The following ZFYVE28 variants were observed in gnomAD, a reference collection of about 807,000 sequenced individuals.
ZFYVE28 encodes zinc finger FYVE-type containing 28.
Under a neutral mutation model 82.1 loss-of-function variants are expected in ZFYVE28, and 40 were observed. The ratio of observed to expected loss-of-function variants is 0.49; its 90% CI spans 0.38 to 0.63. ZFYVE28 has a LOEUF of 0.63. Among genes scored for constraint, ZFYVE28 ranks in the 30% least tolerant of loss-of-function variants. The pLI, the probability that ZFYVE28 is intolerant of heterozygous loss-of-function variation, is 0.00. For missense variants in ZFYVE28, 1,321 were observed against 1,242.1 expected, an observed-to-expected ratio of 1.06 and a Z score of -0.96; for synonymous variants, 612 against 546.1, an observed-to-expected ratio of 1.12 and a Z score of -1.68.
At chr4:2,273,341 T>C in intron 9 of ZFYVE28, 52 bp from the exon 10 acceptor site, 5 of 1,529,236 alleles carry the variant, frequency 3.3e-6, no homozygotes, top group Non-Finnish European at 4.5e-6. Context: ...TGGAAGGAAC[T>C]GCGGAGGTCG....
At chr4:2,336,114 G>C (rs1721648498) in intron 5 of ZFYVE28, among the ~76,000 whole-genome samples, 1 of 152,190 alleles carries the variant, frequency 6.6e-6, no homozygotes, top group African/African-American at 2.4e-5. Flanking sequence ...AAGACAGTAA[G>C]GCAACCCAGA....
In ZFYVE28 at chr4:2,330,833, C is replaced by T. The variant is rs540295421; in HGVS notation, c.701+4872G>A. ...ACAGCATGGTGGAGACCCAGGGCAG[C>T]GGGTGCGTGGGGACTGGGGAGAGAG... On this transcript the variant is annotated intron_variant, in intron 6 of 12. Coordinates refer to ENST00000290974, the MANE Select transcript of ZFYVE28 (RefSeq NM_020972.3). 3.0e-4 allele frequency: 460 copies of T among 1,530,646 alleles called. 1 individual carries two copies. Among genetic ancestry groups the T allele is most frequent in the Middle Eastern group, 2.5e-3 (14 of 5,670 alleles). 94.8% of individuals were successfully genotyped at this position (1,530,646 alleles called of 1,614,324 possible). A position where few individuals can be genotyped will look rare whatever the true frequency, so the allele number is the denominator to read the frequency against.
At chr4:2,391,658 C>T (rs1578358235) in intron 1 of ZFYVE28, among the ~76,000 whole-genome samples, 1 of 151,782 alleles carries the variant, frequency 6.6e-6, no homozygotes, top group Admixed American at 6.6e-5. Flanking sequence ...CCACCTCCCC[C>T]AGACCCTGGC....
intron 1 of ZFYVE28, among the ~76,000 whole-genome samples, chr4:2,384,599 G>A (rs1464003256): frequency 6.6e-6 from 1 of 152,164 alleles, no homozygotes; most frequent in Admixed American, 6.5e-5. Context: ...GATGGGGTGG[G>A]GGAGCAGAAG....
chr4:2,417,116 T>A lies in ZFYVE28; in HGVS notation c.39+1169A>T, dbSNP rs1256865650. ...AGGCGGCCAGTGGAGGGAGGAGGGG[T>A]AGGTCGGCAACGCGGTGGCCTCGGA... On this transcript the variant is annotated intron_variant, in intron 1 of 12. Coordinates refer to ENST00000290974, the MANE Select transcript of ZFYVE28 (RefSeq NM_020972.3). The surrounding 1 kb of genome is among the most constrained non-coding windows in gnomAD (Gnocchi z 4.8). Among the ~76,000 whole-genome samples, 2 of 151,668 alleles carry A rather than the reference T, an allele frequency of 1.3e-5. No individual in the cohort carries two copies. Among genetic ancestry groups the A allele is most frequent in the Non-Finnish European group, 2.9e-5 (2 of 67,918 alleles).
At chr4:2,283,419 CCATCCATCCACCCATCCACT>C in intron 8 of ZFYVE28, among the ~76,000 whole-genome samples, 1 of 149,114 alleles carries the variant, frequency 6.7e-6, no homozygotes, top group Non-Finnish European at 1.5e-5. Context: ...ATCCACCCAC[CCATCCATCCACCCATCCACT>C]CATCCATCCA....
rs896762747 is a variant in ZFYVE28 at position 2,300,826 on chromosome 4, G to A, written c.2051+3463C>T. 3.9e-5 allele frequency among the ~76,000 whole-genome samples: 6 copies of A among 152,164 alleles called. No homozygotes were observed. Among genetic ancestry groups the A allele is most frequent in the Non-Finnish European group, 7.4e-5 (5 of 68,026 alleles). On this transcript the variant is annotated intron_variant, in intron 8 of 12. Transcript: ENST00000290974. The surrounding 1 kb of genome is among the most constrained non-coding windows in gnomAD (Gnocchi z 4.6). ...CCGTGCCCACTGTTCCCTCTGAACC[G>A]TCCACGCCACAACCACAGGGGCTGC...
Position 2,320,302 on chromosome 4 carries a change from AG to A in ZFYVE28, c.702-32del. The A allele has an allele frequency of 6.3e-7, 1 of 1,597,056 alleles. No individual in the cohort carries two copies. The highest frequency in any genetic ancestry group is 1.1e-5 in the South Asian group (1 of 90,392). On this transcript the variant is annotated intron_variant, in intron 6 of 12. Transcript: ENST00000290974. The surrounding 1 kb of genome is among the most constrained non-coding windows in gnomAD (Gnocchi z 5.1). ...TTTGAGACACAAAAGCCAGGATGTC[AG>A]GCCCTGTGGCCCCCTGGGTGCCGCG...
Position 2,269,701 on chromosome 4 carries a change from G to T in ZFYVE28, c.*1024C>A, listed in dbSNP as rs940737469. 4.6e-5 allele frequency: 7 copies of T among 152,010 alleles called. No homozygotes were observed. The highest frequency in any genetic ancestry group is 4.8e-5 in the African/African-American group (2 of 41,356). 9.4% of individuals were successfully genotyped at this position (152,010 alleles called of 1,614,324 possible). A position where few individuals can be genotyped will look rare whatever the true frequency, so the allele number is the denominator to read the frequency against. On this transcript the variant is annotated 3_prime_UTR_variant, in exon 13 of 13. Coordinates refer to ENST00000290974, the MANE Select transcript of ZFYVE28 (RefSeq NM_020972.3). ...TTCCTCCATTATATACTCTCCCCCC[G>T]ACAGAAGCCGTTTCTATGCATATGT...
At chr4:2,291,343 C>G in intron 8 of ZFYVE28, among the ~76,000 whole-genome samples, 1 of 152,192 alleles carries the variant, frequency 6.6e-6, no homozygotes, top group East Asian at 1.9e-4. Flanking sequence ...GAAAACGACC[C>G]CTTGAGAATG....
chr4:2,341,553 G>T lies in ZFYVE28; in HGVS notation c.243C>A (p.Pro81=), dbSNP rs202069786. 6.2e-7 allele frequency: 1 copy of T among 1,614,084 alleles called. No homozygotes were observed. The highest frequency in any genetic ancestry group is 8.5e-7 in the Non-Finnish European group (1 of 1,180,018). ...CAGGGAACTTGACGCAGAAATCTCT[G>T]GGGGCGCGGTCCTGGGGGATGCACT... ...MDECIPQDRA[P]RDFCVKFPEE... is the part of the protein sequence containing the mutation. Residue 81 remains proline (P), a synonymous_variant, in exon 3 of 13, where the codon CCC becomes CCA. Coordinates refer to ENST00000290974, the MANE Select transcript of ZFYVE28 (RefSeq NM_020972.3). The surrounding 1 kb of genome is among the most constrained non-coding windows in gnomAD (Gnocchi z 4.5).
At chr4:2,312,524 T>C (rs1054874415) in intron 7 of ZFYVE28, among the ~76,000 whole-genome samples, 4 of 151,552 alleles carry the variant, frequency 2.6e-5, no homozygotes, top group Non-Finnish European at 4.4e-5. Context: ...GTCAGGAGAT[T>C]GAGACCATCC....
chr4:2,337,566 G>A (rs2108858158), intron 4 of ZFYVE28, 70 bp from the exon 5 acceptor site: 2 of 1,286,126 alleles, frequency 1.6e-6, no homozygotes, highest in East Asian at 5.3e-5. Flanking sequence ...CAGAGTGGGG[G>A]GCATCTTCAA....
chr4:2,353,289 T>C (rs1490928459), intron 2 of ZFYVE28, among the ~76,000 whole-genome samples: 1 of 152,144 alleles, frequency 6.6e-6, no homozygotes, highest in Non-Finnish European at 1.5e-5. Context: ...GACACAGTGA[T>C]AGACTCCCCC....
intron 1 of ZFYVE28, among the ~76,000 whole-genome samples, chr4:2,400,528 G>C (rs1173493972): frequency 6.6e-6 from 1 of 152,132 alleles, no homozygotes; most frequent in Non-Finnish European, 1.5e-5. Context: ...ATATTAGTCA[G>C]GGCTCTCTAG....
At chr4:2,410,454 C>CTTTTTTTTTTTTTTTTTCTTTT (rs1732400004) in intron 1 of ZFYVE28, among the ~76,000 whole-genome samples, 1 of 119,340 alleles carries the variant, frequency 8.4e-6, no homozygotes, top group Non-Finnish European at 1.7e-5. Context: ...TCCTCCCTTT[C>CTTTTTTTTTTTTTTTTTCTTTT]TTTTTTTTTT....
Position 2,387,551 on chromosome 4 carries a change from C to G in ZFYVE28, c.39+30734G>C, listed in dbSNP as rs567334099. 3.3e-5 allele frequency among the ~76,000 whole-genome samples: 5 copies of G among 152,332 alleles called. No individual in the cohort carries two copies. The South Asian group carries it at 1.0e-3, about 32-fold the overall frequency. ...GGGGCCAGGAGCAGTGCTGCCTTTC[C>G]AGGGAGAGCACAGAGGAGGCCTGGG... On this transcript the variant is annotated intron_variant, in intron 1 of 12. Transcript: ENST00000290974.
chr4:2,311,474 C>A (rs746907332), intron 7 of ZFYVE28, among the ~76,000 whole-genome samples: 1 of 152,058 alleles, frequency 6.6e-6, no homozygotes, highest in Non-Finnish European at 1.5e-5. Context: ...TGCAGTGAGC[C>A]GAGATCGCAC....
chr4:2,374,571 G>A (rs540591311), intron 1 of ZFYVE28, among the ~76,000 whole-genome samples: 6 of 152,218 alleles, frequency 3.9e-5, no homozygotes, highest in South Asian at 2.1e-4. Flanking sequence ...CTGAGACTGC[G>A]CCACTGCACT....
Sources: allele counts gnomAD v4.1 joint callset (sites outside exome capture counted in the v4.1 genomes callset), GRCh38; gene constraint gnomAD v4.1.1; non-coding constraint Gnocchi (gnomAD v3.1); transcripts MANE v1.5; gene names NCBI Gene and HGNC (gene_info 2026-07-23, HGNC 2026-07-21).